Variants in WNT10A observed in about 807,000 individuals in gnomAD.
WNT10A encodes Wnt family member 10A.
A neutral mutation model predicts 36.1 loss-of-function variants in WNT10A; 37 were observed. That is an observed-to-expected ratio of 1.02 (90% confidence interval 0.79 to 1.35). WNT10A has a LOEUF of 1.35. WNT10A is among the 40% of genes most tolerant of loss of function. The pLI, the probability that WNT10A is intolerant of heterozygous loss-of-function variation, is 0.00. For synonymous variants in WNT10A, 255 were observed against 254.1 expected (o/e 1.00, Z -0.03); for missense variants, 613 against 601.4 (o/e 1.02, Z -0.20).
intron 2 of WNT10A, among the ~76,000 whole-genome samples, chr2:218,887,303 G>A (rs1944589707): frequency 6.6e-6 from 1 of 152,112 alleles, no homozygotes; most frequent in Admixed American, 6.5e-5. Flanking sequence ...TCTGAGACCT[G>A]GGCTGCCTCT....
At chr2:218,882,453 G>T in intron 2 of WNT10A, 30 bp downstream of exon 2, 1 of 1,613,060 alleles carries the variant, frequency 6.2e-7, no homozygotes, top group Non-Finnish European at 8.5e-7. Flanking sequence ...GCCCCTGCCT[G>T]CCCCATCCAG....
intron 2 of WNT10A, among the ~76,000 whole-genome samples, chr2:218,883,581 G>A (rs1944543066): frequency 1.2e-5 from 1 of 83,988 alleles, no homozygotes; most frequent in Non-Finnish European, 2.3e-5. Flanking sequence ...CCTCCCCCGC[G>A]CGCCCCGGGC....
chr2:218,874,986 G>A, the WNT10A span, among the ~76,000 whole-genome samples: 6 of 151,856 alleles, frequency 4.0e-5, no homozygotes, highest in South Asian at 2.1e-4. Flanking sequence ...TCACATGGCT[G>A]CATTCTGCTG....
upstream of WNT10A, among the ~76,000 whole-genome samples, chr2:218,876,154 CA>C (rs545716253): frequency 1.2e-3 from 184 of 152,326 alleles, no homozygotes; most frequent in African/African-American, 4.3e-3. Flanking sequence ...ATGACTTTCC[CA>C]GTTGTCTCCA....
chr2:218,883,836 C>T (rs965117624), intron 2 of WNT10A: 5 of 152,330 alleles, frequency 3.3e-5, no homozygotes, highest in African/African-American at 1.2e-4. Context: ...TCCTCCCTGT[C>T]CCGCCGCCTG....
chr2:218,886,642 C>T (rs561702838), intron 2 of WNT10A, among the ~76,000 whole-genome samples: 5 of 132,110 alleles, frequency 3.8e-5, no homozygotes, highest in Admixed American at 7.7e-5. Context: ...ACCCCCCCAC[C>T]GCTGCCTCCC....
chr2:218,892,675 T>C, intron 3 of WNT10A, 99 bp from the exon 4 acceptor site: 8 of 1,516,902 alleles, frequency 5.3e-6, no homozygotes, highest in Non-Finnish European at 7.1e-6. Context: ...CGTTTGCCTC[T>C]GTATAATGGG....
intron 1 of WNT10A, among the ~76,000 whole-genome samples, chr2:218,881,620 G>A (rs1944517117): frequency 1.3e-5 from 2 of 152,106 alleles, no homozygotes; most frequent in South Asian, 2.1e-4. Flanking sequence ...ACAGTAGTTT[G>A]TATGTGTGCC....
intron 1 of WNT10A, 85 bp downstream of exon 1, chr2:218,881,193 G>A (rs190906289): frequency 6.5e-7 from 1 of 1,534,550 alleles, no homozygotes; most frequent in Admixed American, 2.0e-5. Flanking sequence ...TGGGGTAGAG[G>A]ACCCTGGAAG....
In WNT10A at chr2:218,893,146, T is replaced by TGCGGCC; in HGVS notation, c.1136_1141dup (p.Arg379_Gly380dup). On this transcript the variant is annotated inframe_insertion, in exon 4 of 4. Coordinates refer to ENST00000258411, the MANE Select transcript of WNT10A (RefSeq NM_025216.3). The surrounding 1 kb of genome is among the most constrained non-coding windows in gnomAD (Gnocchi z 6.3). ...CTCGGATGGCTGCGGCAGCATGTGC[T>TGCGGCC]GCGGCCGCGGCCACAACATCCTGCG... 6.3e-7 allele frequency: 1 copy of TGCGGCC among 1,590,892 alleles called. No individual in the cohort carries two copies. The highest frequency in any genetic ancestry group is 8.5e-7 in the Non-Finnish European group (1 of 1,176,032).
rs758566891 is a variant in WNT10A, at chr2:218,892,897, T to C, written c.880T>C (p.Phe294Leu). The C allele has an allele frequency of 6.4e-7, 1 of 1,551,232 alleles. No individual in the cohort carries two copies. Among genetic ancestry groups the C allele is most frequent in the South Asian group, 1.2e-5 (1 of 84,552 alleles). Residue 294 changes from phenylalanine (F) to leucine (L), a missense_variant, in exon 4 of 4, where the codon TTC (phenylalanine) becomes CTC (leucine). Coordinates refer to ENST00000258411, the MANE Select transcript of WNT10A (RefSeq NM_025216.3). ...CGTGGGGGCGCTGCTGCGCAGCCGC[T>C]TCCACCGCGCCACGCTCATCCGGCC... ...RTVGALLRSR[F>L]HRATLIRPHN...
At chr2:218,883,069 A>G (rs1205731297) in intron 2 of WNT10A, among the ~76,000 whole-genome samples, 6 of 152,146 alleles carry the variant, frequency 3.9e-5, no homozygotes, top group Admixed American at 3.3e-4. Context: ...GCTGCAGTCC[A>G]TTCCCTGTCC....
At chr2:218,890,734 A>G (rs543430217) in intron 3 of WNT10A, among the ~76,000 whole-genome samples, 24 of 152,278 alleles carry the variant, frequency 1.6e-4, no homozygotes, top group Non-Finnish European at 2.8e-4. Context: ...ACAAGGTTGA[A>G]CTAGATCATC....
At chr2:218,879,162 G>A (rs562516428), upstream of WNT10A, among the ~76,000 whole-genome samples, 1 of 151,684 alleles carries the variant, frequency 6.6e-6, no homozygotes, top group Non-Finnish European at 1.5e-5. Context: ...GGGAAAGGAG[G>A]GGGGAGTATG....
At chr2:218,892,738 G>T in intron 3 of WNT10A, 36 bp from the exon 4 acceptor site, 2 of 1,557,592 alleles carry the variant, frequency 1.3e-6, no homozygotes, top group Non-Finnish European at 1.7e-6. Flanking sequence ...GTGGGGCTGC[G>T]CGCCGTGTCA....
At chr2:218,880,697 C>T, upstream of WNT10A, 2 of 352,244 alleles carry the variant, frequency 5.7e-6, no homozygotes, top group Non-Finnish European at 1.0e-5. The surrounding 1 kb of genome is among the most constrained non-coding windows in gnomAD (Gnocchi z 7.7). Context: ...GCCCCCCTTA[C>T]CCTTGAGAGG....
At chr2:218,892,565 CTGG>C (rs1944665705) in intron 3 of WNT10A, among the ~76,000 whole-genome samples, 2 of 152,154 alleles carry the variant, frequency 1.3e-5, no homozygotes, top group Non-Finnish European at 2.9e-5. Flanking sequence ...GGGGCCTGGC[CTGG>C]TGGGAGGTGG....
Position 218,881,120 on chromosome 2 carries a change from C to T in WNT10A, c.113+12C>T. 1.9e-6 allele frequency: 3 copies of T among 1,581,888 alleles called. No homozygotes were observed. Among genetic ancestry groups the T allele is most frequent in the Middle Eastern group, 1.7e-4 (1 of 6,024 alleles). On this transcript the variant is annotated intron_variant, in intron 1 of 3. Transcript: ENST00000258411. ...GCTGCCATGCCCAGGTGAGCCCTCA[C>T]CTCATGCTCCGCCCTCCTAGAGAGT...
At chr2:218,874,842 C>T in the WNT10A span, among the ~76,000 whole-genome samples, 7 of 152,186 alleles carry the variant, frequency 4.6e-5, no homozygotes, top group Non-Finnish European at 1.0e-4. Flanking sequence ...AAAGGGATTT[C>T]GCTCTGTTTC....
Sources: gnomAD v4.1 joint callset for allele counts (sites outside exome capture counted in the v4.1 genomes callset) on GRCh38, gnomAD v4.1.1 for gene constraint, Gnocchi (gnomAD v3.1) non-coding constraint, MANE v1.5 for transcripts, NCBI Gene and HGNC (gene_info 2026-07-23, HGNC 2026-07-21) for gene names.